Variants in FNDC3B observed in about 807,000 individuals in gnomAD.
The protein encoded by FNDC3B is fibronectin type III domain containing 3B, also known as fibronectin type III domain-containing protein 3B.
A neutral mutation model predicts 151.5 loss-of-function variants in FNDC3B; 12 were observed. The ratio of observed to expected loss-of-function variants is 0.08; its 90% confidence interval spans 0.05 to 0.13. The LOEUF (loss-of-function observed/expected upper bound fraction) is 0.13, where lower values mean the gene tolerates loss of function less well. Ranked by LOEUF, FNDC3B falls within the 10% of genes least tolerant of loss-of-function variation. FNDC3B has a pLI of 1.00. For synonymous variants in FNDC3B, 528 were observed against 549.0 expected (o/e 0.96, Z 0.54); for missense variants, 1,214 against 1,505.3 (o/e 0.81, Z 3.20).
At chr3:172,270,334 C>T (rs943812562) in intron 6 of FNDC3B, among the ~76,000 whole-genome samples, 1 of 152,204 alleles carries the variant, frequency 6.6e-6, no homozygotes, top group Non-Finnish European at 1.5e-5. Flanking sequence ...GTTTTCCTTT[C>T]GAACTTAGCA....
At position 172,330,671 on chromosome 3, in the gene FNDC3B, G is replaced by A. The variant is rs767168984; in HGVS notation, c.1510G>A (p.Glu504Lys). The A allele has an allele frequency of 1.1e-5, 18 of 1,613,990 alleles. No individual in the cohort carries two copies. The highest frequency in any genetic ancestry group is 4.5e-5 in the East Asian group (2 of 44,904). The change falls in exon 13 of 26, where the codon GAG (glutamate) becomes AAG (lysine). Residue 504 changes from glutamate (E) to lysine (K), a missense_variant. Physicochemically the swap from Glu to Lys is moderately conservative, Grantham distance 56. Coordinates refer to ENST00000415807, the MANE Select transcript of FNDC3B (RefSeq NM_022763.4). ...QWSKPEGCSP[E>K]EVITYTLEIQ... ...GAGTAAGCCAGAAGGCTGTTCACCC[G>A]AGGAAGTGATCACCTACACCTTGGA...
chr3:172,053,776 CAAAAAAAAAA>C (rs562005467), intron 1 of FNDC3B, among the ~76,000 whole-genome samples: 1 of 113,374 alleles, frequency 8.8e-6, no homozygotes, highest in Non-Finnish European at 1.8e-5. Context: ...AACTCCGTCT[CAAAAAAAAAA>C]AAAAAAAAAA....
intron 22 of FNDC3B, among the ~76,000 whole-genome samples, chr3:172,359,564 G>A (rs1283311202): frequency 1.3e-5 from 2 of 152,130 alleles, no homozygotes; most frequent in African/African-American, 4.8e-5. Flanking sequence ...TTAATGTCCG[G>A]CTTAATTTCC....
intron 11 of FNDC3B, among the ~76,000 whole-genome samples, chr3:172,316,180 A>G (rs1387344877): frequency 6.6e-6 from 1 of 150,982 alleles, no homozygotes; most frequent in Non-Finnish European, 1.5e-5. Context: ...GCTAATTTTT[A>G]TATTTTTAGT....
chr3:172,054,068 C>T (rs985748289), intron 1 of FNDC3B, among the ~76,000 whole-genome samples: 2 of 152,148 alleles, frequency 1.3e-5, no homozygotes, highest in Non-Finnish European at 2.9e-5. Context: ...TCTGTTCATC[C>T]GCAGTGCCTT....
intron 3 of FNDC3B, among the ~76,000 whole-genome samples, chr3:172,169,237 CAG>C (rs1329194654): frequency 3.9e-5 from 6 of 152,256 alleles, no homozygotes; most frequent in Admixed American, 2.0e-4. Flanking sequence ...ATGTCGACCT[CAG>C]TGCCACCAGG....
At chr3:172,116,186 A>G (rs554050725) in intron 2 of FNDC3B, among the ~76,000 whole-genome samples, 48 of 152,360 alleles carry the variant, frequency 3.2e-4, no homozygotes, top group African/African-American at 1.1e-3. Flanking sequence ...TTTTAAAAGC[A>G]TTATCAACTA....
At chr3:172,297,579 A>G (rs1233491514) in intron 8 of FNDC3B, among the ~76,000 whole-genome samples, 10 of 152,018 alleles carry the variant, frequency 6.6e-5, no homozygotes, top group East Asian at 1.9e-4. Context: ...GGTTCACGCC[A>G]TTCTCCTGCC....
intron 3 of FNDC3B, among the ~76,000 whole-genome samples, chr3:172,209,468 G>C (rs944647140): frequency 1.3e-5 from 2 of 152,218 alleles, no homozygotes; most frequent in African/African-American, 4.8e-5. Flanking sequence ...GCTCTCAGTG[G>C]AGAGGAGACC....
intron 9 of FNDC3B, chr3:172,307,110 C>T: frequency 4.6e-6 from 2 of 435,614 alleles, no homozygotes; most frequent in South Asian, 3.2e-5. Context: ...ATAATCTCTT[C>T]TAGTCAGTAG....
chr3:172,377,027 G>A (rs1735184054), intron 23 of FNDC3B, among the ~76,000 whole-genome samples: 1 of 152,202 alleles, frequency 6.6e-6, no homozygotes, highest in South Asian at 2.1e-4. Flanking sequence ...AACGCACAGG[G>A]ATTAGGTCTT....
Position 172,352,041 on chromosome 3 carries a change from A to G in FNDC3B, c.2515-762A>G, listed in dbSNP as rs558651383. Among the ~76,000 whole-genome samples the G allele has an allele frequency of 2.8e-4, 43 of 152,254 alleles. No homozygotes were observed. Among genetic ancestry groups the G allele is most frequent in the Non-Finnish European group, 5.3e-4 (36 of 68,006 alleles). On this transcript the variant is annotated intron_variant, in intron 21 of 25. Transcript: ENST00000415807. This position sits in a 1 kb window ranked among gnomAD's most constrained non-coding sequence, Gnocchi z 4.2. ...TCCTTGAGACAAGACGACATCTCCA[A>G]ATGTTTGAGTAGAGGTAGAAAAGAG...
intron 3 of FNDC3B, 153 bp downstream of exon 3, chr3:172,133,699 A>G (rs1559981682): frequency 1.4e-6 from 1 of 710,302 alleles, no homozygotes; most frequent in South Asian, 1.5e-5. Context: ...ATGGTCTCAA[A>G]TATATATTAT....
chr3:172,370,861 C>A (rs1306125717), intron 23 of FNDC3B, among the ~76,000 whole-genome samples: 1 of 152,198 alleles, frequency 6.6e-6, no homozygotes, highest in Non-Finnish European at 1.5e-5. Flanking sequence ...CCTTATCCCA[C>A]CTACCCCAAC....
chr3:172,361,455 T>A (rs1034303061), intron 22 of FNDC3B, among the ~76,000 whole-genome samples: 1 of 152,222 alleles, frequency 6.6e-6, no homozygotes, highest in African/African-American at 2.4e-5. Context: ...TTATCACTCT[T>A]AAGTTCAGCC....
intron 6 of FNDC3B, among the ~76,000 whole-genome samples, chr3:172,256,506 A>C (rs2108782804): frequency 6.6e-6 from 1 of 152,356 alleles, no homozygotes; most frequent in Admixed American, 6.5e-5. Flanking sequence ...TTCTGTGGCC[A>C]AAACCCAGTT....
chr3:172,347,389 C>A, intron 21 of FNDC3B, 28 bp downstream of exon 21: 1 of 1,580,766 alleles, frequency 6.3e-7, no homozygotes, highest in South Asian at 1.2e-5. Flanking sequence ...AGATGTTACT[C>A]ACAAGGACTG....
intron 3 of FNDC3B, among the ~76,000 whole-genome samples, chr3:172,172,773 C>T (rs1723348658): frequency 6.6e-6 from 1 of 152,126 alleles, no homozygotes; most frequent in African/African-American, 2.4e-5. Flanking sequence ...ATCTATTTTC[C>T]ACTTGTTCTA....
intron 23 of FNDC3B, among the ~76,000 whole-genome samples, chr3:172,371,171 T>C (rs1378001487): frequency 6.6e-6 from 1 of 151,326 alleles, no homozygotes; most frequent in Non-Finnish European, 1.5e-5. Flanking sequence ...TAAAATGGCA[T>C]AGTATTTGCA....
Sources: gnomAD v4.1 joint callset for allele counts (sites outside exome capture counted in the v4.1 genomes callset) on GRCh38, gnomAD v4.1.1 for gene constraint, Gnocchi (gnomAD v3.1) non-coding constraint, MANE v1.5 for transcripts, NCBI Gene and HGNC (gene_info 2026-07-23, HGNC 2026-07-21) for gene names.